ADAMTS17: variants seen among roughly 807,000 people sequenced by gnomAD.
The protein encoded by ADAMTS17 is ADAM metallopeptidase with thrombospondin type 1 motif 17.
Under a neutral mutation model 141.5 loss-of-function variants are expected in ADAMTS17, and 113 were observed. The observed-to-expected ratio is 0.80, with a 90% confidence interval of 0.69 to 0.93. The LOEUF (loss-of-function observed/expected upper bound fraction) is 0.93, where lower values mean the gene tolerates loss of function less well. Ranked by LOEUF, ADAMTS17 falls within the 40% of genes least tolerant of loss-of-function variation. ADAMTS17 has a pLI of 0.00. For missense variants in ADAMTS17, 1,659 were observed against 1,517.9 expected (o/e 1.09, Z -1.54); for synonymous variants, 768 against 630.6 (o/e 1.22, Z -3.27).
chr15:100,083,398 T>C (rs758933929), intron 15 of ADAMTS17, among the ~76,000 whole-genome samples: 1 of 152,226 alleles, frequency 6.6e-6, no homozygotes, highest in Non-Finnish European at 1.5e-5. Context: ...AAACCAAGTA[T>C]ATTCATTCTG....
chr15:100,273,601 A>G (rs1260900843), intron 4 of ADAMTS17, among the ~76,000 whole-genome samples: 1 of 152,112 alleles, frequency 6.6e-6, no homozygotes, highest in Admixed American at 6.5e-5. Context: ...CGATCTAGCT[A>G]AGGTTTGTCA....
At chr15:100,001,586 G>A (rs2060924170) in intron 18 of ADAMTS17, among the ~76,000 whole-genome samples, 1 of 152,100 alleles carries the variant, frequency 6.6e-6, no homozygotes, top group East Asian at 1.9e-4. Flanking sequence ...CACTCTGGCG[G>A]GGAGACCATG....
intron 7 of ADAMTS17, among the ~76,000 whole-genome samples, chr15:100,204,910 C>G (rs77610240): frequency 6.6e-6 from 1 of 152,196 alleles, no homozygotes; most frequent in Non-Finnish European, 1.5e-5. Context: ...AGACTTTCCC[C>G]TTGGCAATTA....
At position 100,109,040 on chromosome 15, in the gene ADAMTS17, A is replaced by T; in HGVS notation, c.1965T>A (p.Gly655=). Residue 655 remains glycine (G), a synonymous_variant, in exon 14 of 22, where the codon GGT becomes GGA. Coordinates refer to ENST00000268070, the MANE Select transcript of ADAMTS17 (RefSeq NM_139057.4). ...PLLVADRVLD[G]TPCGPYETDL... is the part of the protein sequence containing the mutation. ...CAGTCTCGTAGGGCCCGCAGGGTGT[A>T]CCGTCCAGGACCCTGTCGGCCACCA... 1.2e-6 allele frequency: 2 copies of T among 1,614,106 alleles called. No individual in the cohort carries two copies. Among genetic ancestry groups the T allele is most frequent in the South Asian group, 2.2e-5 (2 of 91,082 alleles).
intron 7 of ADAMTS17, among the ~76,000 whole-genome samples, chr15:100,251,702 C>A (rs1044835637): frequency 6.6e-6 from 1 of 152,238 alleles, no homozygotes; most frequent in African/African-American, 2.4e-5. Context: ...CGTGCCACTG[C>A]ACTCCAGCCT....
intron 8 of ADAMTS17, among the ~76,000 whole-genome samples, chr15:100,156,968 G>A (rs1596131961): frequency 6.6e-6 from 1 of 152,214 alleles, no homozygotes; most frequent in East Asian, 1.9e-4. Context: ...AAGGAAAGAG[G>A]TTTAACTGAC....
Position 99,979,704 on chromosome 15 carries a change from A to G in ADAMTS17, c.2950-3482T>C, listed in dbSNP as rs1482029507. The G allele has an allele frequency of 2.6e-5, 4 of 152,364 alleles. No individual in the cohort carries two copies. In the East Asian group the frequency reaches 7.7e-4, roughly 29 times the overall value. 9.4% of individuals were successfully genotyped at this position (152,364 alleles called of 1,614,324 possible). ...CGATGAGACCAACACTACAATCACCAGGTTGCACCACACAAAACTGCTTCT... is the reference window on the plus strand; with the variant it reads ...CGATGAGACCAACACTACAATCACCGGGTTGCACCACACAAAACTGCTTCT... On this transcript the variant is annotated intron_variant, in intron 20 of 21. Coordinates refer to ENST00000268070, the MANE Select transcript of ADAMTS17 (RefSeq NM_139057.4).
At chr15:100,108,333 G>A (rs1362940623) in intron 14 of ADAMTS17, among the ~76,000 whole-genome samples, 2 of 152,052 alleles carry the variant, frequency 1.3e-5, no homozygotes, top group African/African-American at 4.8e-5. Flanking sequence ...CACCATGCCC[G>A]GCTAATTTAT....
intron 10 of ADAMTS17, among the ~76,000 whole-genome samples, chr15:100,146,310 G>T (rs570721531): frequency 6.6e-6 from 1 of 152,342 alleles, no homozygotes; most frequent in Non-Finnish European, 1.5e-5. Flanking sequence ...GGATTGTGAA[G>T]ATTTCATGGA....
chr15:99,977,012 G>A (rs536910087), intron 20 of ADAMTS17, among the ~76,000 whole-genome samples: 3 of 152,152 alleles, frequency 2.0e-5, no homozygotes, highest in Admixed American at 6.5e-5. Flanking sequence ...CCCAAGCACT[G>A]TCTGCTGCCT....
At chr15:100,076,499 C>G (rs1269978294) in intron 15 of ADAMTS17, among the ~76,000 whole-genome samples, 3 of 152,100 alleles carry the variant, frequency 2.0e-5, no homozygotes, top group African/African-American at 7.2e-5. Context: ...TTTCCTATTG[C>G]TGGATACTTG....
intron 7 of ADAMTS17, among the ~76,000 whole-genome samples, chr15:100,252,464 T>C (rs552942388): frequency 1.2e-3 from 176 of 152,212 alleles, no homozygotes; most frequent in African/African-American, 3.8e-3. Flanking sequence ...GATTGAGAGA[T>C]TATGTCTCCA....
At chr15:100,198,987 T>G (rs970505541) in intron 8 of ADAMTS17, among the ~76,000 whole-genome samples, 1 of 152,238 alleles carries the variant, frequency 6.6e-6, no homozygotes, top group African/African-American at 2.4e-5. Context: ...ATGTGAATAA[T>G]AGACTTAGAG....
intron 15 of ADAMTS17, among the ~76,000 whole-genome samples, chr15:100,085,360 C>T (rs1421835758): frequency 1.4e-5 from 2 of 140,076 alleles, no homozygotes; most frequent in Non-Finnish European, 3.0e-5. Context: ...ACCAAATCTA[C>T]ATCTGATTGG....
At chr15:100,108,936 G>C (rs1401335866) in intron 14 of ADAMTS17, 53 bp downstream of exon 14, 52 of 1,610,768 alleles carry the variant, frequency 3.2e-5, no homozygotes, top group Non-Finnish European at 3.7e-5. Flanking sequence ...TGTCTGGGGA[G>C]AGTGAGTCTC....
chr15:100,251,464 G>A (rs2043151779), intron 7 of ADAMTS17, among the ~76,000 whole-genome samples: 1 of 152,248 alleles, frequency 6.6e-6, no homozygotes, highest in African/African-American at 2.4e-5. Context: ...AGTGGCTCAT[G>A]CCTGTAATCC....
At chr15:100,311,923 C>T (rs958717792) in intron 3 of ADAMTS17, among the ~76,000 whole-genome samples, 3 of 152,082 alleles carry the variant, frequency 2.0e-5, no homozygotes, top group Non-Finnish European at 4.4e-5. Context: ...GTAGACGGAT[C>T]AAGAATGCAT....
intron 7 of ADAMTS17, among the ~76,000 whole-genome samples, chr15:100,231,238 GAC>G (rs1212313168): frequency 7.9e-5 from 12 of 152,150 alleles, no homozygotes; most frequent in African/African-American, 2.9e-4. Context: ...ATTTGTCAAA[GAC>G]AATAAAATAC....
chr15:100,171,018 C>G (rs1469043362), intron 8 of ADAMTS17, among the ~76,000 whole-genome samples: 3 of 152,162 alleles, frequency 2.0e-5, no homozygotes, highest in African/African-American at 4.8e-5. Context: ...CCTGCTGCCC[C>G]CCTTAGGGGC....
Sources: gnomAD v4.1 joint callset for allele counts (sites outside exome capture counted in the v4.1 genomes callset) on GRCh38, gnomAD v4.1.1 for gene constraint, MANE v1.5 for transcripts, NCBI Gene and HGNC (gene_info 2026-07-23, HGNC 2026-07-21) for gene names.